Variants in TENM4 observed in about 807,000 individuals in gnomAD.
TENM4 encodes teneurin transmembrane protein 4, also known as teneurin-4.
Under a neutral mutation model 243.3 loss-of-function variants are expected in TENM4, and 82 were observed. That is an observed-to-expected ratio of 0.34 (90% CI 0.28 to 0.40). The LOEUF is 0.40. Ranked by LOEUF, TENM4 falls within the 10% of genes least tolerant of loss-of-function variation. TENM4 has a pLI of 1.00. For missense variants in TENM4, 3,138 were observed against 3,673.3 expected (o/e 0.85, Z 3.77); for synonymous variants, 1,412 against 1,456.3 (o/e 0.97, Z 0.69).
intron 3 of TENM4, among the ~76,000 whole-genome samples, chr11:79,200,067 T>C (rs1555026266): frequency 6.6e-6 from 1 of 152,180 alleles, no homozygotes; most frequent in Non-Finnish European, 1.5e-5. Context: ...CTGCAGCATC[T>C]CTAGAAGCAT....
chr11:79,216,133 C>T (rs1864047690), intron 2 of TENM4, among the ~76,000 whole-genome samples: 1 of 152,190 alleles, frequency 6.6e-6, no homozygotes, highest in Non-Finnish European at 1.5e-5. Context: ...CTCAAATGTA[C>T]CTTCTTCTGT....
chr11:78,732,526 C>T lies in TENM4; in HGVS notation c.2928G>A (p.Arg976=). 1 of 1,612,876 alleles carries T rather than the reference C, an allele frequency of 6.2e-7. No individual in the cohort carries two copies. Among genetic ancestry groups the T allele is most frequent in the Non-Finnish European group, 8.5e-7 (1 of 1,179,280 alleles). The change falls in exon 21 of 34, where the codon CGG becomes CGA. Residue 976 remains arginine, a synonymous_variant. Transcript: ENST00000278550. The part of the protein sequence containing the change: ...GGISIILRFE[R]APFITQEHTL... Reference sequence around the variant, plus strand: ...TGTGCTCCTGTGTGATGAAAGGTGCCCGCTCGAACCGCAGGATGATGGAGA... The same window carrying T: ...TGTGCTCCTGTGTGATGAAAGGTGCTCGCTCGAACCGCAGGATGATGGAGA...
At chr11:78,709,520 G>C (rs1859349291) in intron 26 of TENM4, among the ~76,000 whole-genome samples, 1 of 152,150 alleles carries the variant, frequency 6.6e-6, no homozygotes, top group Non-Finnish European at 1.5e-5. Flanking sequence ...CTCTGTGTTT[G>C]TCTTCCCAGC....
intron 3 of TENM4, among the ~76,000 whole-genome samples, chr11:79,200,825 T>C (rs1863723609): frequency 6.6e-6 from 1 of 152,210 alleles, no homozygotes; most frequent in East Asian, 1.9e-4. Flanking sequence ...AGGGGATTAT[T>C]ATGCCCTGGA....
intron 6 of TENM4, among the ~76,000 whole-genome samples, chr11:79,013,247 C>T (rs1022872263): frequency 6.6e-6 from 1 of 152,158 alleles, no homozygotes; most frequent in Non-Finnish European, 1.5e-5. Context: ...TATCCTCCAC[C>T]CATTTCCACC....
At chr11:79,214,209 G>C (rs1300242928) in intron 3 of TENM4, among the ~76,000 whole-genome samples, 2 of 152,080 alleles carry the variant, frequency 1.3e-5, no homozygotes, top group Non-Finnish European at 2.9e-5. Context: ...TGGTCAGGCT[G>C]GTCTCGAACT....
At chr11:79,071,980 G>T (rs960387972) in intron 4 of TENM4, among the ~76,000 whole-genome samples, 3 of 152,098 alleles carry the variant, frequency 2.0e-5, no homozygotes, top group South Asian at 2.1e-4. Flanking sequence ...GGGGCAAGGG[G>T]TGTAACTCGA....
intron 15 of TENM4, among the ~76,000 whole-genome samples, chr11:78,803,522 T>G (rs908826457): frequency 7.2e-5 from 11 of 152,328 alleles, no homozygotes; most frequent in African/African-American, 2.4e-4. Context: ...CATCACATGG[T>G]TCTCTCTTGC....
intron 3 of TENM4, among the ~76,000 whole-genome samples, chr11:79,166,541 A>G (rs1025811713): frequency 5.3e-5 from 8 of 152,240 alleles, no homozygotes; most frequent in Non-Finnish European, 1.0e-4. Context: ...TTGACTGCTT[A>G]CTATTGGCTA....
At chr11:79,157,973 A>G (rs934630503) in intron 3 of TENM4, among the ~76,000 whole-genome samples, 4 of 152,270 alleles carry the variant, frequency 2.6e-5, no homozygotes, top group Non-Finnish European at 5.9e-5. Flanking sequence ...AGAGGGCAGA[A>G]TCGTCCTCAT....
chr11:78,673,527 G>C (rs567363522), intron 30 of TENM4, among the ~76,000 whole-genome samples: 1 of 152,306 alleles, frequency 6.6e-6, no homozygotes, highest in Admixed American at 6.5e-5. Context: ...AATGGGTGCA[G>C]GTCTAGGAAT....
At position 78,864,162 on chromosome 11, in the gene TENM4, T is replaced by C. The variant is rs576231118; in HGVS notation, c.1085-1030A>G. Among the ~76,000 whole-genome samples the C allele has an allele frequency of 1.4e-4, 21 of 152,300 alleles. No individual in the cohort carries two copies. The East Asian group carries it at 2.1e-3, about 15-fold the overall frequency. Reference sequence around the variant, plus strand: ...AACAGTAGCTGTGTCCTGTGAAGGATAGAGATACTATGGATCGGGGGATAG... The same window carrying C: ...AACAGTAGCTGTGTCCTGTGAAGGACAGAGATACTATGGATCGGGGGATAG... On this transcript the variant is annotated intron_variant, in intron 9 of 33. Coordinates refer to ENST00000278550, the MANE Select transcript of TENM4 (RefSeq NM_001098816.3).
At chr11:78,941,672 C>T (rs1856898248) in intron 6 of TENM4, among the ~76,000 whole-genome samples, 1 of 152,080 alleles carries the variant, frequency 6.6e-6, no homozygotes, top group African/African-American at 2.4e-5. Flanking sequence ...AACCCCTTGG[C>T]TCTCAGCGCC....
Position 78,702,263 on chromosome 11 carries a change from G to C in TENM4, c.4350C>G (p.Val1450=), listed in dbSNP as rs754866239. The C allele has an allele frequency of 1.2e-6, 2 of 1,614,054 alleles. No homozygotes were observed. Among genetic ancestry groups the C allele is most frequent in the East Asian group, 2.2e-5 (1 of 44,888 alleles). Residue 1450 remains valine, a synonymous_variant, in exon 28 of 34, where the codon GTC becomes GTG. Coordinates refer to ENST00000278550, the MANE Select transcript of TENM4 (RefSeq NM_001098816.3). The part of the protein sequence containing the change: ...IVAGRPMHCQ[V]PGIDHFLLSK... ...TTAGCAGGAAGTGGTCAATGCCAGG[G>C]ACCTGGCAGTGCATGGGCCTCCCGG... is the stretch of plus-strand genomic sequence containing the variant.
At chr11:79,212,159 C>T (rs1396637418) in intron 3 of TENM4, among the ~76,000 whole-genome samples, 1 of 152,128 alleles carries the variant, frequency 6.6e-6, no homozygotes, top group Non-Finnish European at 1.5e-5. Flanking sequence ...TTTAATGAGA[C>T]AGAGAGAGAA....
intron 6 of TENM4, among the ~76,000 whole-genome samples, chr11:79,015,477 AGT>A (rs113872101): frequency 0.09 from 13,159 of 147,004 alleles, 1,097 homozygotes; most frequent in East Asian, 0.4. Context: ...AAAGTCATTT[AGT>A]GTGTGTGTGT....
intron 17 of TENM4, among the ~76,000 whole-genome samples, chr11:78,774,629 T>C (rs559983355): frequency 6.7e-4 from 102 of 152,300 alleles, no homozygotes; most frequent in Middle Eastern, 3.4e-3. Context: ...AATAAATCAA[T>C]GAGAGGGACA....
Position 79,438,419 on chromosome 11 carries a change from C to A in TENM4, c.-321+2090G>T, listed in dbSNP as rs1358050526. On this transcript the variant is annotated intron_variant, in intron 1 of 33. Coordinates refer to ENST00000278550, the MANE Select transcript of TENM4 (RefSeq NM_001098816.3). The surrounding 1 kb of genome is among the most constrained non-coding windows in gnomAD (Gnocchi z 4.1). The stretch of plus-strand genomic sequence containing the variant: ...AGAGGCGAAGGAACGGAAGCCATAC[C>A]CGACCCCAGCCCCATCCCGTCCCCA... 3.9e-5 allele frequency among the ~76,000 whole-genome samples: 6 copies of A among 152,202 alleles called. No individual in the cohort carries two copies. The highest frequency in any genetic ancestry group is 1.4e-4 in the African/African-American group (6 of 41,450).
At chr11:78,770,859 T>C (rs1056186034) in intron 18 of TENM4, 133 bp downstream of exon 18, 13 of 1,206,570 alleles carry the variant, frequency 1.1e-5, no homozygotes, top group East Asian at 5.1e-5. Context: ...GTGCAGTTTT[T>C]TGCTTGCCCC....
Sources: allele counts gnomAD v4.1 joint callset (sites outside exome capture counted in the v4.1 genomes callset), GRCh38; gene constraint gnomAD v4.1.1; non-coding constraint Gnocchi (gnomAD v3.1); transcripts MANE v1.5; gene names NCBI Gene and HGNC (gene_info 2026-07-23, HGNC 2026-07-21).